ZFHX3: variants seen among roughly 807,000 people sequenced by gnomAD.
ZFHX3 encodes the protein zinc finger homeobox 3, also known as zinc finger homeobox protein 3.
ZFHX3 carries 42 observed loss-of-function variants against 279.1 expected under a neutral mutation model. The ratio of observed to expected loss-of-function variants is 0.15; its 90% CI spans 0.12 to 0.19. The LOEUF (loss-of-function observed/expected upper bound fraction) is 0.19, where lower values mean the gene tolerates loss of function less well. Ranked by LOEUF, ZFHX3 falls within the 10% of genes least tolerant of loss-of-function variation. ZFHX3 has a pLI of 1.00. For missense variants in ZFHX3, 4,981 were observed against 4,754.0 expected (o/e 1.05, Z -1.40); for synonymous variants, 2,293 against 1,957.8 (o/e 1.17, Z -4.52).
chr16:73,845,708 G>C (rs1961434292), intron 1 of ZFHX3, among the ~76,000 whole-genome samples: 1 of 152,194 alleles, frequency 6.6e-6, no homozygotes, highest in Non-Finnish European at 1.5e-5. Context: ...AAACCTTCCA[G>C]CAACTGTCCT....
At chr16:73,745,118 A>G (rs753726630) in intron 1 of ZFHX3, among the ~76,000 whole-genome samples, 11 of 152,162 alleles carry the variant, frequency 7.2e-5, no homozygotes, top group Non-Finnish European at 1.5e-4. Flanking sequence ...ACTTTTCTTT[A>G]TAGGAAGGGT....
intron 3 of ZFHX3, among the ~76,000 whole-genome samples, chr16:72,925,336 A>G: frequency 6.6e-6 from 1 of 152,156 alleles, no homozygotes; most frequent in South Asian, 2.1e-4. Context: ...CGGTTCCATC[A>G]CTGAGCTAGC....
chr16:73,420,372 G>A (rs2017694063), intron 3 of ZFHX3: 1 of 152,134 alleles, frequency 6.6e-6, no homozygotes, highest in African/African-American at 2.4e-5. Flanking sequence ...GTGGTTCTGA[G>A]CTGGGGTTAT....
chr16:72,914,286 A>G (rs1483981665), intron 3 of ZFHX3, among the ~76,000 whole-genome samples: 3 of 152,216 alleles, frequency 2.0e-5, no homozygotes, highest in East Asian at 1.9e-4. Flanking sequence ...CTTCATCTCT[A>G]TAGTGTGGCA....
At chr16:73,382,168 C>A (rs2016828163) in intron 3 of ZFHX3, among the ~76,000 whole-genome samples, 1 of 152,160 alleles carries the variant, frequency 6.6e-6, no homozygotes, top group Non-Finnish European at 1.5e-5. Flanking sequence ...AAAACATAAA[C>A]CTCTTAGAAG....
intron 5 of ZFHX3, among the ~76,000 whole-genome samples, chr16:73,251,104 G>A (rs868803081): frequency 6.6e-6 from 1 of 152,142 alleles, no homozygotes. Context: ...ATTAAACTAC[G>A]GGCAGTTAAA....
intron 2 of ZFHX3, among the ~76,000 whole-genome samples, chr16:73,608,336 G>A (rs995292861): frequency 6.6e-6 from 1 of 152,156 alleles, no homozygotes; most frequent in Non-Finnish European, 1.5e-5. Context: ...GCAAGACAGT[G>A]TACATAAGAG....
chr16:73,252,889 G>A (rs1354410339), intron 5 of ZFHX3, among the ~76,000 whole-genome samples: 1 of 152,202 alleles, frequency 6.6e-6, no homozygotes, highest in Non-Finnish European at 1.5e-5. Flanking sequence ...AAGTATGCTG[G>A]CGGAAGGCCA....
intron 4 of ZFHX3, among the ~76,000 whole-genome samples, chr16:73,301,906 A>T (rs1322643234): frequency 6.6e-6 from 1 of 152,142 alleles, no homozygotes; most frequent in African/African-American, 2.4e-5. Flanking sequence ...AGCGGAGATG[A>T]AACCTGGACA....
chr16:73,715,560 G>GTTT (rs1444422827), intron 1 of ZFHX3, among the ~76,000 whole-genome samples: 5 of 125,078 alleles, frequency 4.0e-5, no homozygotes, highest in African/African-American at 1.7e-4. Context: ...ACCACAGCTG[G>GTTT]TCTTTTTTTT....
At chr16:73,602,839 C>T (rs867699505) in intron 2 of ZFHX3, among the ~76,000 whole-genome samples, 1 of 138,724 alleles carries the variant, frequency 7.2e-6, no homozygotes. Flanking sequence ...CCAAGGTATT[C>T]GGGAGGCTGA....
intron 2 of ZFHX3, among the ~76,000 whole-genome samples, chr16:73,546,356 G>A (rs867109312): frequency 6.6e-6 from 1 of 152,114 alleles, no homozygotes; most frequent in Non-Finnish European, 1.5e-5. Context: ...CTGTAGGACC[G>A]GGTATGAGAA....
intron 2 of ZFHX3, among the ~76,000 whole-genome samples, chr16:73,635,167 G>A (rs1225154179): frequency 2.0e-5 from 3 of 152,100 alleles, no homozygotes; most frequent in Non-Finnish European, 1.5e-5. Context: ...TCTTGTCAAA[G>A]TTTCTTCACT....
At position 72,800,136 on chromosome 16, in the gene ZFHX3, A is replaced by C; in HGVS notation, c.3865-7T>G. Reference sequence around the variant, plus strand: ...CCATCTCAGGGGTGGTCACCTGAGGAGCAAGAGCAAGGAGAGTCAAATGGA... The same window carrying C: ...CCATCTCAGGGGTGGTCACCTGAGGCGCAAGAGCAAGGAGAGTCAAATGGA... On this transcript the variant is annotated splice_polypyrimidine_tract_variant and splice_region_variant and intron_variant, in intron 7 of 9. Transcript: ENST00000268489. 1.2e-6 allele frequency: 2 copies of C among 1,608,776 alleles called. No homozygotes were observed. The highest frequency in any genetic ancestry group is 2.7e-5 in the African/African-American group (2 of 74,970).
Position 72,788,855 on chromosome 16 carries a change from GGAAT to G in ZFHX3, c.9428-11_9428-8del. On this transcript the variant is annotated splice_region_variant and splice_polypyrimidine_tract_variant and intron_variant, in intron 9 of 9. Coordinates refer to ENST00000268489, the MANE Select transcript of ZFHX3 (RefSeq NM_006885.4). Reference sequence around the variant, plus strand: ...GGCTTAGGAGACGTTAAAGCTGAAAGGAATGGAGACAGAAATCACCGGTCAGTCT... The same window carrying G: ...GGCTTAGGAGACGTTAAAGCTGAAAGGGAGACAGAAATCACCGGTCAGTCT... The G allele has an allele frequency of 6.6e-7, 1 of 1,517,118 alleles. No individual in the cohort carries two copies. Among genetic ancestry groups the G allele is most frequent in the Non-Finnish European group, 8.8e-7 (1 of 1,134,830 alleles). 94.0% of individuals were successfully genotyped at this position (1,517,118 alleles called of 1,614,324 possible). A position where few individuals can be genotyped will look rare whatever the true frequency, so the allele number is the denominator to read the frequency against.
intron 1 of ZFHX3, among the ~76,000 whole-genome samples, chr16:73,699,113 G>T (rs2053224365): frequency 6.6e-6 from 1 of 152,174 alleles, no homozygotes. Context: ...TCAGTCTCCT[G>T]ACTTCGTGAT....
At chr16:73,552,624 C>T (rs1463645586) in intron 2 of ZFHX3, among the ~76,000 whole-genome samples, 1 of 152,128 alleles carries the variant, frequency 6.6e-6, no homozygotes, top group Non-Finnish European at 1.5e-5. Flanking sequence ...TATACAACCA[C>T]AAAATCTTAG....
At chr16:73,620,943 G>C (rs982248157) in intron 2 of ZFHX3, among the ~76,000 whole-genome samples, 2 of 152,254 alleles carry the variant, frequency 1.3e-5, no homozygotes, top group African/African-American at 4.8e-5. Context: ...ATCCCAGCCA[G>C]ACCCTTAGAT....
rs892084708 is a variant in ZFHX3 at position 72,805,939 on chromosome 16, G to A, written c.3864+5638C>T. The A allele has an allele frequency of 5.3e-5, 8 of 152,022 alleles. No individual in the cohort carries two copies. The East Asian group carries it at 1.5e-3, about 29-fold the overall frequency. 9.4% of individuals were successfully genotyped at this position (152,022 alleles called of 1,614,324 possible). On this transcript the variant is annotated intron_variant, in intron 7 of 9. Transcript: ENST00000268489. ...TAGTCTCACTTTGTCACCTGGGCTG[G>A]AGTGCAGTGGCACAACCATGGCTCG... is the stretch of plus-strand genomic sequence containing the variant.
Sources: gnomAD v4.1 joint callset for allele counts (sites outside exome capture counted in the v4.1 genomes callset) on GRCh38, gnomAD v4.1.1 for gene constraint, MANE v1.5 for transcripts, NCBI Gene and HGNC (gene_info 2026-07-23, HGNC 2026-07-21) for gene names.